The following KCNMA1 variants were observed in gnomAD, a reference collection of about 807,000 sequenced individuals.
The protein encoded by KCNMA1 is Calcium-activated potassium channel subunit alpha-1.
A neutral mutation model predicts 140.0 loss-of-function variants in KCNMA1; 29 were observed. That is an observed-to-expected ratio of 0.21 (90% CI 0.15 to 0.28). The LOEUF is 0.28. Ranked by LOEUF, KCNMA1 falls within the 10% of genes least tolerant of loss-of-function variation. The pLI, the probability that KCNMA1 is intolerant of heterozygous loss-of-function variation, is 1.00. For synonymous variants in KCNMA1, 612 were observed against 611.9 expected, an observed-to-expected ratio of 1.00 and a Z score of 0.00; for missense variants, 880 against 1,602.2, an observed-to-expected ratio of 0.55 and a Z score of 7.70.
rs71028261 is a variant in KCNMA1 at position 77,215,367 on chromosome 10, CTGTTT to C, written c.603-30456_603-30452del. 2.2e-3 allele frequency among the ~76,000 whole-genome samples: 324 copies of C among 147,582 alleles called. 1 individual carries two copies. Among genetic ancestry groups the C allele is most frequent in the African/African-American group, 7.5e-3 (298 of 39,962 alleles). ...TTCTGAACATGATTACAGATTGCACCTGTTTTGTTTTGTTTTGTTTTGTCTGTCTT... is the reference window on the plus strand; with the variant it reads ...TTCTGAACATGATTACAGATTGCACCTGTTTTGTTTTGTTTTGTCTGTCTT... On this transcript the variant is annotated intron_variant, in intron 3 of 27. Coordinates refer to ENST00000286628, the MANE Select transcript of KCNMA1 (RefSeq NM_001161352.2).
chr10:77,415,295 A>G (rs1160725092), intron 1 of KCNMA1, among the ~76,000 whole-genome samples: 1 of 152,222 alleles, frequency 6.6e-6, no homozygotes, highest in Non-Finnish European at 1.5e-5. Context: ...AGCTTAATAA[A>G]ATTGGAAAAT....
chr10:77,023,162 C>T (rs568858624), intron 16 of KCNMA1, among the ~76,000 whole-genome samples: 64 of 152,300 alleles, frequency 4.2e-4, no homozygotes, highest in African/African-American at 1.4e-3. Flanking sequence ...AAGACTGCAG[C>T]TTGATGGAGG....
Position 76,914,978 on chromosome 10 carries a change from A to G in KCNMA1, c.2974T>C (p.Ser992Pro). Reference sequence around the variant, plus strand: ...GGGATGTTGACCCCAGTTGTGATGGATGGTTGACGTAACATCCCGTGCACT... The same window carrying G: ...GGGATGTTGACCCCAGTTGTGATGGGTGGTTGACGTAACATCCCGTGCACT... ...SPVHGMLRQP[S>P]ITTGVNIPII... Residue 992 changes from serine to proline, a missense_variant, in exon 24 of 28, where the codon TCC (serine) becomes CCC (proline). By Grantham distance (74) the Ser-to-Pro change is moderately conservative. Transcript: ENST00000286628. 6.2e-7 allele frequency: 1 copy of G among 1,613,676 alleles called. No individual in the cohort carries two copies. The highest frequency in any genetic ancestry group is 8.5e-7 in the Non-Finnish European group (1 of 1,179,684).
intron 3 of KCNMA1, 48 bp downstream of exon 3, chr10:77,251,147 C>T (rs757347917): frequency 7.1e-7 from 1 of 1,407,378 alleles, no homozygotes; most frequent in South Asian, 1.2e-5. Context: ...TGTAAAGGCT[C>T]ATGATTGTTT....
At position 76,885,578 on chromosome 10, in the gene KCNMA1, A is replaced by G. The variant is rs1406746884; in HGVS notation, c.*1688T>C. ...ACATTCACCATAAAAACACCTTTTT[A>G]GAGATGGTACAGCTGTGACATGTTT... On this transcript the variant is annotated 3_prime_UTR_variant, in exon 28 of 28. Transcript: ENST00000286628. 1 of 985,246 alleles carries G rather than the reference A, an allele frequency of 1.0e-6. No homozygotes were observed. The allele number at this position is 985,246 out of a possible 1,614,324, so 61.0% of individuals were successfully genotyped here.
rs916683467 is a variant in KCNMA1 at position 77,219,298 on chromosome 10, C to T, written c.602+31897G>A. Among the ~76,000 whole-genome samples, 5 of 152,240 alleles carry T rather than the reference C, an allele frequency of 3.3e-5. No individual in the cohort carries two copies. In the East Asian group the frequency reaches 5.8e-4, roughly 18 times the overall value. Reference sequence around the variant, plus strand: ...CATGCTTCTAAGAAGGATCCTAAGACGTTCATTTCTTTGAAGCACTATTAC... The same window carrying T: ...CATGCTTCTAAGAAGGATCCTAAGATGTTCATTTCTTTGAAGCACTATTAC... On this transcript the variant is annotated intron_variant, in intron 3 of 27. Transcript: ENST00000286628.
intron 1 of KCNMA1, among the ~76,000 whole-genome samples, chr10:77,508,510 T>C (rs2047008118): frequency 6.6e-6 from 1 of 151,914 alleles, no homozygotes; most frequent in Admixed American, 6.6e-5. Flanking sequence ...GCTCTTTTTA[T>C]TGTGGCAAAA....
rs901869465 is a variant in KCNMA1, at chr10:77,025,384, C to T, written c.1928+2439G>A. 5 of 1,414,924 alleles carry T rather than the reference C, an allele frequency of 3.5e-6. No individual in the cohort carries two copies. The African/African-American group carries it at 4.3e-5, about 12-fold the overall frequency. The allele number at this position is 1,414,924 out of a possible 1,614,324, so 87.6% of individuals were successfully genotyped here. ...TTGAATTCTTGGCAAATGGTTAGTC[C>T]TGTGGTTAGGAGTGAAGATAGAGGG... is the stretch of plus-strand genomic sequence containing the variant. On this transcript the variant is annotated intron_variant, in intron 16 of 27. Coordinates refer to ENST00000286628, the MANE Select transcript of KCNMA1 (RefSeq NM_001161352.2).
intron 3 of KCNMA1, among the ~76,000 whole-genome samples, chr10:77,235,767 C>A (rs1271525198): frequency 1.3e-5 from 2 of 152,222 alleles, no homozygotes; most frequent in Non-Finnish European, 2.9e-5. Flanking sequence ...AAAGGACCCA[C>A]TTCCAGCCTT....
At chr10:77,387,607 C>CTTTTTTTTCTTTTCTCT (rs1555271431) in intron 2 of KCNMA1, among the ~76,000 whole-genome samples, 5 of 114,238 alleles carry the variant, frequency 4.4e-5, no homozygotes, top group South Asian at 2.6e-4. Context: ...CTTTTCTTTT[C>CTTTTTTTTCTTTTCTCT]TTTCTTTTCT....
chr10:77,438,100 TTGCCTAGAGTGAAGTGG>T (rs1174159972), intron 1 of KCNMA1, among the ~76,000 whole-genome samples: 1 of 152,162 alleles, frequency 6.6e-6, no homozygotes, highest in East Asian at 1.9e-4. Context: ...TCCCACTGTG[TTGCCTAGAGTGAAGTGG>T]TGCAATCATA....
chr10:76,965,862 C>T (rs911003807), intron 20 of KCNMA1, among the ~76,000 whole-genome samples: 1 of 152,186 alleles, frequency 6.6e-6, no homozygotes, highest in African/African-American at 2.4e-5. Flanking sequence ...GCATTCTCCT[C>T]ATGGTATGGA....
chr10:76,883,284 T>C (rs1373306474), downstream of KCNMA1, among the ~76,000 whole-genome samples: 1 of 152,142 alleles, frequency 6.6e-6, no homozygotes, highest in African/African-American at 2.4e-5. Context: ...TAGAAAATGG[T>C]TAAAGGTATA....
In KCNMA1 at chr10:77,384,039, C is replaced by T. The variant is rs539962845; in HGVS notation, c.540+19823G>A. 5.3e-5 allele frequency among the ~76,000 whole-genome samples: 8 copies of T among 152,340 alleles called. No homozygotes were observed. The South Asian group carries it at 1.0e-3, about 20-fold the overall frequency. On this transcript the variant is annotated intron_variant, in intron 2 of 27. Coordinates refer to ENST00000286628, the MANE Select transcript of KCNMA1 (RefSeq NM_001161352.2). ...ACCATCAGCTCTCTGGGGCAGTTTG[C>T]GATTCACCGCAGGACCCTAGATGGT...
intron 5 of KCNMA1, among the ~76,000 whole-genome samples, chr10:77,124,162 CTGTGTG>C (rs1003749809): frequency 6.6e-6 from 1 of 152,182 alleles, no homozygotes; most frequent in Non-Finnish European, 1.5e-5. Context: ...CCTGAACATT[CTGTGTG>C]TGCATAGATA....
intron 1 of KCNMA1, among the ~76,000 whole-genome samples, chr10:77,458,173 T>C (rs1247836626): frequency 6.6e-6 from 1 of 152,210 alleles, no homozygotes; most frequent in African/African-American, 2.4e-5. Flanking sequence ...CAAGCAGGCA[T>C]CCTCCACCCA....
intron 2 of KCNMA1, among the ~76,000 whole-genome samples, chr10:77,296,553 C>T (rs919334618): frequency 1.3e-5 from 2 of 152,150 alleles, no homozygotes; most frequent in South Asian, 4.1e-4. Context: ...ATCAGCCATG[C>T]TTACCCAAGT....
intron 19 of KCNMA1, among the ~76,000 whole-genome samples, chr10:76,976,703 G>T (rs1030225825): frequency 2.0e-5 from 3 of 152,048 alleles, no homozygotes; most frequent in African/African-American, 7.2e-5. Context: ...TAGAATCATT[G>T]CCCAACACTC....
chr10:77,471,515 A>G (rs2098150152), intron 1 of KCNMA1, among the ~76,000 whole-genome samples: 1 of 150,498 alleles, frequency 6.6e-6, no homozygotes, highest in Non-Finnish European at 1.5e-5. Context: ...TACACCACAC[A>G]CCATACACAT....
Sources: gnomAD v4.1 joint callset for allele counts (sites outside exome capture counted in the v4.1 genomes callset) on GRCh38, gnomAD v4.1.1 for gene constraint, MANE v1.5 for transcripts, NCBI Gene and HGNC (gene_info 2026-07-23, HGNC 2026-07-21) for gene names.